DOP1B: variants seen among roughly 807,000 people sequenced by gnomAD.
DOP1B encodes the protein protein DOP1B.
Under a neutral mutation model 233.5 loss-of-function variants are expected in DOP1B, and 174 were observed. The ratio of observed to expected loss-of-function variants is 0.75; its 90% CI spans 0.66 to 0.85. The LOEUF (loss-of-function observed/expected upper bound fraction) is 0.85, where lower values mean the gene tolerates loss of function less well. DOP1B is among the 40% of genes least tolerant of loss of function. The probability of loss-of-function intolerance (pLI) is 0.00; values close to 1 mark genes in which losing one functional copy is unlikely to be tolerated. For missense variants in DOP1B, 2,652 were observed against 2,846.6 expected (o/e 0.93, Z 1.56); for synonymous variants, 1,190 against 1,185.6 (o/e 1.00, Z -0.08).
intron 26 of DOP1B, among the ~76,000 whole-genome samples, chr21:36,269,070 G>A (rs2067259433): frequency 6.6e-6 from 1 of 152,224 alleles, no homozygotes. Flanking sequence ...AGTCTGAATT[G>A]AATGCACTGT....
intron 36 of DOP1B, among the ~76,000 whole-genome samples, 183 bp downstream of exon 36, chr21:36,292,416 C>T (rs919267413): frequency 5.3e-5 from 8 of 151,220 alleles, no homozygotes; most frequent in Non-Finnish European, 1.5e-5. Flanking sequence ...GCCACCACAC[C>T]TGGCTAATTT....
At chr21:36,192,966 G>A (rs570234201) in intron 2 of DOP1B, among the ~76,000 whole-genome samples, 1 of 152,152 alleles carries the variant, frequency 6.6e-6, no homozygotes, top group East Asian at 1.9e-4. Context: ...GGGATTACAG[G>A]CATGAGCCAC....
rs150581929 is a variant in DOP1B at position 36,208,864 on chromosome 21, G to T, written c.641G>T (p.Arg214Leu). ...VGHINRDAPG[R>L]EQKYMLGTNH... ...CACATCAACAGGGATGCCCCCGGCC[G>T]GGAGCAGAAGTACATGCTGGGGACC... Residue 214 changes from arginine to leucine, a missense_variant, in exon 5 of 37, where the codon CGG becomes CTG. Around this residue, in one of 3 missense-constraint regions of DOP1B, gnomAD observed 2,617 missense variants for 2,794.3 expected, o/e 0.94. Coordinates refer to ENST00000691173, the MANE Select transcript of DOP1B (RefSeq NM_001320714.2). 6.4e-7 allele frequency: 1 copy of T among 1,564,604 alleles called. No homozygotes were observed. Among genetic ancestry groups the T allele is most frequent in the African/African-American group, 1.4e-5 (1 of 73,004 alleles).
intron 5 of DOP1B, among the ~76,000 whole-genome samples, chr21:36,209,729 G>A (rs370526844): frequency 2.0e-5 from 3 of 152,210 alleles, no homozygotes; most frequent in South Asian, 4.1e-4. Context: ...ATCCCTTCTC[G>A]TGCCCTTAGA....
chr21:36,180,167 T>C (rs1308881712), intron 2 of DOP1B, among the ~76,000 whole-genome samples: 2 of 152,188 alleles, frequency 1.3e-5, no homozygotes, highest in Non-Finnish European at 2.9e-5. Context: ...GTTATTGATA[T>C]TAACCATTAT....
chr21:36,237,515 C>A, intron 16 of DOP1B, 101 bp downstream of exon 16: 2 of 1,429,586 alleles, frequency 1.4e-6, no homozygotes, highest in Admixed American at 3.9e-5. Flanking sequence ...CTTTCTGGGG[C>A]TGAGTGGACA....
At chr21:36,198,976 C>T in intron 2 of DOP1B, 94 bp from the exon 3 acceptor site, 1 of 1,326,936 alleles carries the variant, frequency 7.5e-7, no homozygotes, top group Admixed American at 2.2e-5. Flanking sequence ...CACACTGGGA[C>T]ATGGCTGCAG....
intron 10 of DOP1B, among the ~76,000 whole-genome samples, chr21:36,221,581 G>A (rs115132566): frequency 0.024 from 3,611 of 151,974 alleles, 104 homozygotes; most frequent in African/African-American, 0.078. Flanking sequence ...AGTTTTGTTT[G>A]TTTGTTTGCT....
At chr21:36,168,914 AT>A in intron 2 of DOP1B, 1 of 500,342 alleles carries the variant, frequency 2.0e-6, no homozygotes, top group East Asian at 3.9e-5. Context: ...TTAATTAATA[AT>A]TTTAAAAAAT....
intron 2 of DOP1B, among the ~76,000 whole-genome samples, chr21:36,171,364 T>C (rs1017912298): frequency 6.6e-6 from 1 of 152,202 alleles, no homozygotes; most frequent in Non-Finnish European, 1.5e-5. Context: ...TGAGTGGTTA[T>C]TATGGATTGA....
chr21:36,198,981 C>T (rs2066326100), intron 2 of DOP1B, 89 bp from the exon 3 acceptor site: 2 of 1,383,568 alleles, frequency 1.4e-6, no homozygotes, highest in Non-Finnish European at 2.0e-6. Flanking sequence ...TGGGACATGG[C>T]TGCAGTCTCT....
intron 7 of DOP1B, 59 bp from the exon 8 acceptor site, chr21:36,214,022 A>T (rs1292504123): frequency 7.4e-7 from 1 of 1,358,906 alleles, no homozygotes; most frequent in Non-Finnish European, 1.0e-6. Context: ...ACTTTTGCAC[A>T]ATATGATGTC....
intron 13 of DOP1B, among the ~76,000 whole-genome samples, chr21:36,228,622 C>T (rs1044380450): frequency 6.6e-5 from 10 of 151,776 alleles, no homozygotes; most frequent in South Asian, 2.1e-4. Flanking sequence ...AAAAATTAGC[C>T]GGGTGCAGTG....
rs149899434 is a variant in DOP1B at position 36,290,773 on chromosome 21, G to C, written c.6516-1331G>C. 3.8e-3 allele frequency among the ~76,000 whole-genome samples: 576 copies of C among 150,618 alleles called. 3 individuals carry two copies. Among genetic ancestry groups the C allele is most frequent in the African/African-American group, 0.013 (527 of 40,940 alleles). On this transcript the variant is annotated intron_variant, in intron 35 of 36. Coordinates refer to ENST00000691173, the MANE Select transcript of DOP1B (RefSeq NM_001320714.2). ...CCATCTGCCATTGCACTCCAGCCTG[G>C]GCAACAAAAGCGAGACTCCATCTCA...
intron 2 of DOP1B, among the ~76,000 whole-genome samples, chr21:36,191,567 C>T (rs1330712336): frequency 6.6e-6 from 1 of 152,186 alleles, no homozygotes; most frequent in African/African-American, 2.4e-5. Flanking sequence ...AGGTGAATCA[C>T]TTGAGGTCAG....
chr21:36,167,275 C>T (rs1438720869), intron 2 of DOP1B, among the ~76,000 whole-genome samples: 6 of 152,130 alleles, frequency 3.9e-5, no homozygotes, highest in African/African-American at 9.7e-5. Flanking sequence ...CAGGTTCAAG[C>T]GATTCTCCTG....
intron 35 of DOP1B, 132 bp downstream of exon 35, chr21:36,289,338 G>C: frequency 1.1e-6 from 1 of 909,682 alleles, no homozygotes; most frequent in African/African-American, 1.7e-5. Context: ...AGCTAAGCCA[G>C]CTCGGAATAC....
At chr21:36,229,082 G>A (rs2066727457) in intron 13 of DOP1B, among the ~76,000 whole-genome samples, 1 of 152,228 alleles carries the variant, frequency 6.6e-6, no homozygotes, top group Non-Finnish European at 1.5e-5. Context: ...TGTAACTACA[G>A]TTAATGGGCT....
intron 2 of DOP1B, among the ~76,000 whole-genome samples, chr21:36,181,477 C>T (rs1350439537): frequency 6.6e-6 from 1 of 151,616 alleles, no homozygotes; most frequent in Non-Finnish European, 1.5e-5. Context: ...CGGGGTTTCA[C>T]CATGTTGACC....
Sources: gnomAD v4.1 joint callset for allele counts (sites outside exome capture counted in the v4.1 genomes callset) on GRCh38, gnomAD v4.1.1 for gene constraint, gnomAD v4.1.1 regional missense constraint, MANE v1.5 for transcripts, NCBI Gene and HGNC (gene_info 2026-07-23, HGNC 2026-07-21) for gene names.